Variants in BIN1 observed in about 807,000 individuals in gnomAD.
The protein encoded by BIN1 is myc box-dependent-interacting protein 1.
Under a neutral mutation model 82.0 loss-of-function variants are expected in BIN1, and 53 were observed. The ratio of observed to expected loss-of-function variants is 0.65; its 90% CI spans 0.52 to 0.81. BIN1 has a LOEUF of 0.81. BIN1 is among the 40% of genes least tolerant of loss of function. The probability of loss-of-function intolerance (pLI) is 0.00; values close to 1 mark genes in which losing one functional copy is unlikely to be tolerated. For synonymous variants in BIN1, 302 were observed against 328.0 expected, an observed-to-expected ratio of 0.92 and a Z score of 0.86; for missense variants, 642 against 784.4, an observed-to-expected ratio of 0.82 and a Z score of 2.17.
chr2:127,071,001 T>C (rs757440645), intron 2 of BIN1, among the ~76,000 whole-genome samples, 185 bp from the exon 3 acceptor site: 9 of 152,038 alleles, frequency 5.9e-5, no homozygotes, highest in Admixed American at 2.0e-4. Flanking sequence ...CCTGCGTCCA[T>C]AGGCACCCTT....
In BIN1 at chr2:127,082,077, C is replaced by T. The variant is rs779526391; in HGVS notation, c.85-5371G>A. ...GCCAGGCTTTCTCTGGGCCCAGTCC[C>T]GAGGGAGACACCCCAAGAGGCGAAA... On this transcript the variant is annotated intron_variant, in intron 1 of 18. Coordinates refer to ENST00000316724, the MANE Select transcript of BIN1 (RefSeq NM_139343.3). The surrounding 1 kb of genome is among the most constrained non-coding windows in gnomAD (Gnocchi z 6.1). Among the ~76,000 whole-genome samples, 15 of 152,126 alleles carry T rather than the reference C, an allele frequency of 9.9e-5. No individual in the cohort carries two copies. The highest frequency in any genetic ancestry group is 1.6e-4 in the Non-Finnish European group (11 of 68,004).
intron 14 of BIN1, 122 bp downstream of exon 14, chr2:127,053,300 C>G (rs1171696505): frequency 5.0e-6 from 7 of 1,405,506 alleles, no homozygotes; most frequent in Middle Eastern, 3.6e-4. Flanking sequence ...GCCTGTGTGT[C>G]CTGCGTGTGG....
Position 127,093,048 on chromosome 2 carries a change from C to G in BIN1, c.84+13812G>C, listed in dbSNP as rs960373063. 6.6e-6 allele frequency among the ~76,000 whole-genome samples: 1 copy of G among 151,836 alleles called. No individual in the cohort carries two copies. Among genetic ancestry groups the G allele is most frequent in the Non-Finnish European group, 1.5e-5 (1 of 67,990 alleles). On this transcript the variant is annotated intron_variant, in intron 1 of 18. Coordinates refer to ENST00000316724, the MANE Select transcript of BIN1 (RefSeq NM_139343.3). The surrounding 1 kb of genome is among the most constrained non-coding windows in gnomAD (Gnocchi z 5.7). ...GTGGGGCACAGCCTGGGGGCCCCCC[C>G]ACAGATGCCAGGTCAGCCCCCAGCC...
Position 127,082,991 on chromosome 2 carries a change from G to T in BIN1, c.85-6285C>A, listed in dbSNP as rs771518761. On this transcript the variant is annotated intron_variant, in intron 1 of 18. Transcript: ENST00000316724. This position sits in a 1 kb window ranked among gnomAD's most constrained non-coding sequence, Gnocchi z 6.1. ...CAAAGTATAAACCTCAAAGAAAGTG[G>T]AAAGGATACTACAGGGACTATCATC... Among the ~76,000 whole-genome samples, 3 of 151,546 alleles carry T rather than the reference G, an allele frequency of 2.0e-5. No individual in the cohort carries two copies. The highest frequency in any genetic ancestry group is 4.4e-5 in the Non-Finnish European group (3 of 67,978).
In BIN1 at chr2:127,070,037, C is replaced by T. The variant is rs778579118; in HGVS notation, c.369G>A (p.Leu123=). ...GGCCCAGGTACGTGTCCATGGTCAGCAGCGCCTGGTCCACCAGCTTCTGGT... is the reference window on the plus strand; with the variant it reads ...GGCCCAGGTACGTGTCCATGGTCAGTAGCGCCTGGTCCACCAGCTTCTGGT... ...DYHQKLVDQA[L]LTMDTYLGQF... is the part of the protein sequence containing the mutation. Residue 123 remains leucine (L), a synonymous_variant, in exon 5 of 19, where the codon CTG becomes CTA. Coordinates refer to ENST00000316724, the MANE Select transcript of BIN1 (RefSeq NM_139343.3). 1.2e-6 allele frequency: 2 copies of T among 1,614,158 alleles called. No homozygotes were observed. Among genetic ancestry groups the T allele is most frequent in the Non-Finnish European group, 8.5e-7 (1 of 1,180,004 alleles).
chr2:127,052,873 C>T, intron 14 of BIN1: 1 of 244,888 alleles, frequency 4.1e-6, no homozygotes, highest in Non-Finnish European at 8.1e-6. Flanking sequence ...GTGTCCTGAG[C>T]TATCAGGTGA....
At chr2:127,070,841 G>A (rs777484489) in intron 2 of BIN1, 25 bp from the exon 3 acceptor site, 199 of 1,607,198 alleles carry the variant, frequency 1.2e-4, no homozygotes, top group Non-Finnish European at 1.5e-4. Flanking sequence ...ACAAGGACCA[G>A]GTCAGGGACT....
chr2:127,102,735 A>C (rs1680517995), intron 1 of BIN1, among the ~76,000 whole-genome samples: 2 of 152,082 alleles, frequency 1.3e-5, no homozygotes, highest in South Asian at 4.2e-4. Flanking sequence ...ACACCCAAGA[A>C]CCCACACACA....
intron 10 of BIN1, chr2:127,060,614 A>G: frequency 6.2e-7 from 1 of 1,614,230 alleles, no homozygotes; most frequent in Non-Finnish European, 8.5e-7. Context: ...CTTTCTGCGC[A>G]GCCGCGAAAA....
At chr2:127,099,063 G>T (rs569340491) in intron 1 of BIN1, among the ~76,000 whole-genome samples, 181 of 152,320 alleles carry the variant, frequency 1.2e-3, no homozygotes, top group Non-Finnish European at 2.0e-3. Flanking sequence ...CACTAGCCTA[G>T]CCCCAACCTA....
At chr2:127,092,579 G>A (rs1463675239) in intron 1 of BIN1, among the ~76,000 whole-genome samples, 1 of 152,214 alleles carries the variant, frequency 6.6e-6, no homozygotes, top group Non-Finnish European at 1.5e-5. Flanking sequence ...CCTGAGGCCA[G>A]CCACCAGCTC....
intron 4 of BIN1, 106 bp from the exon 5 acceptor site, chr2:127,070,196 G>C (rs1377400105): frequency 2.2e-6 from 2 of 911,104 alleles, no homozygotes; most frequent in Non-Finnish European, 1.8e-6. Flanking sequence ...TCACAGCTCA[G>C]TGGCTTCTCA....
intron 1 of BIN1, among the ~76,000 whole-genome samples, chr2:127,094,307 T>C (rs1679304365): frequency 6.6e-6 from 1 of 152,178 alleles, no homozygotes; most frequent in African/African-American, 2.4e-5. Flanking sequence ...TACAAAGGCT[T>C]TTATCCTCCG....
rs1181412988 is a variant in BIN1 at position 127,057,635 on chromosome 2, G to A, written c.1003-34C>T. 2.7e-6 allele frequency: 4 copies of A among 1,494,246 alleles called. No individual in the cohort carries two copies. The highest frequency in any genetic ancestry group is 3.6e-6 in the Non-Finnish European group (4 of 1,114,874). 92.6% of individuals were successfully genotyped at this position (1,494,246 alleles called of 1,614,324 possible). ...CGGCGGCGGGTGAGGGGCCGCGCGG[G>A]AAGGCACAGCAGAGCACGGGGTTTG... On this transcript the variant is annotated intron_variant, in intron 11 of 18. Coordinates refer to ENST00000316724, the MANE Select transcript of BIN1 (RefSeq NM_139343.3). The surrounding 1 kb of genome is among the most constrained non-coding windows in gnomAD (Gnocchi z 5.0).
Position 127,068,483 on chromosome 2 carries a change from G to A in BIN1, c.520-228C>T, listed in dbSNP as rs1193886657. 6.6e-6 allele frequency among the ~76,000 whole-genome samples: 1 copy of A among 152,148 alleles called. No homozygotes were observed. The highest frequency in any genetic ancestry group is 1.5e-5 in the Non-Finnish European group (1 of 68,018). ...AGGTGAGCGTGGTTAGCAGCACAGG[G>A]GGCCCAGCAAGCACGGCCCTGCCCG... On this transcript the variant is annotated intron_variant, in intron 6 of 18. Coordinates refer to ENST00000316724, the MANE Select transcript of BIN1 (RefSeq NM_139343.3). This position sits in a 1 kb window ranked among gnomAD's most constrained non-coding sequence, Gnocchi z 4.9.
Position 127,057,308 on chromosome 2 carries a change from TGATGGAGGATGATG to T in BIN1, c.1131+151_1131+164del, listed in dbSNP as rs1161912834. On this transcript the variant is annotated intron_variant, in intron 12 of 18. Coordinates refer to ENST00000316724, the MANE Select transcript of BIN1 (RefSeq NM_139343.3). This position sits in a 1 kb window ranked among gnomAD's most constrained non-coding sequence, Gnocchi z 5.0. Reference sequence around the variant, plus strand: ...ATGCTCAGAGATGGGTGATGGAGGATGATGGAGGATGATGGATGGAGGGAACAAAGGGTGAGAGA... The same window carrying T: ...ATGCTCAGAGATGGGTGATGGAGGATGATGGAGGGAACAAAGGGTGAGAGA... Among the ~76,000 whole-genome samples, 7 of 152,106 alleles carry T rather than the reference TGATGGAGGATGATG, an allele frequency of 4.6e-5. No individual in the cohort carries two copies. In the East Asian group the frequency reaches 1.4e-3, roughly 30 times the overall value.
intron 1 of BIN1, among the ~76,000 whole-genome samples, chr2:127,105,635 G>A (rs1357493211): frequency 2.0e-5 from 3 of 152,190 alleles, no homozygotes; most frequent in Non-Finnish European, 1.5e-5. Flanking sequence ...TCTGAGGGAG[G>A]TATGGGGAAG....
rs1233463400 is a variant in BIN1, at chr2:127,090,419, G to T, written c.85-13713C>A. The stretch of plus-strand genomic sequence containing the variant: ...CACAGGGCGACCCTCCACCACTTCA[G>T]TTGTGCTGGGTGGGGCTCGCTGAGG... On this transcript the variant is annotated intron_variant, in intron 1 of 18. Coordinates refer to ENST00000316724, the MANE Select transcript of BIN1 (RefSeq NM_139343.3). This position sits in a 1 kb window ranked among gnomAD's most constrained non-coding sequence, Gnocchi z 6.4. Among the ~76,000 whole-genome samples the T allele has an allele frequency of 6.6e-6, 1 of 152,250 alleles. No individual in the cohort carries two copies. The highest frequency in any genetic ancestry group is 1.5e-5 in the Non-Finnish European group (1 of 68,036).
At chr2:127,050,619 G>A in intron 17 of BIN1, 97 bp from the exon 18 acceptor site, 1 of 1,413,698 alleles carries the variant, frequency 7.1e-7, no homozygotes, top group South Asian at 1.2e-5. Context: ...GTGGCAGTAT[G>A]GAGACCAGGA....
Sources: allele counts gnomAD v4.1 joint callset (sites outside exome capture counted in the v4.1 genomes callset), GRCh38; gene constraint gnomAD v4.1.1; non-coding constraint Gnocchi (gnomAD v3.1); transcripts MANE v1.5; gene names NCBI Gene and HGNC (gene_info 2026-07-23, HGNC 2026-07-21).